The following ELOVL6 variants were observed in gnomAD, a reference collection of about 807,000 sequenced individuals.
The protein encoded by ELOVL6 is ELOVL fatty acid elongase 6.
Under a neutral mutation model 31.7 loss-of-function variants are expected in ELOVL6, and 8 were observed. The observed-to-expected ratio is 0.25, with a 90% CI of 0.15 to 0.45. The LOEUF (loss-of-function observed/expected upper bound fraction) is 0.45, where lower values mean the gene tolerates loss of function less well. Ranked by LOEUF, ELOVL6 falls within the 20% of genes least tolerant of loss-of-function variation. The pLI is 1.00. For missense variants in ELOVL6, 126 were observed against 326.4 expected, an observed-to-expected ratio of 0.39 and a Z score of 4.73; for synonymous variants, 101 against 117.7, an observed-to-expected ratio of 0.86 and a Z score of 0.92.
rs1029994629 is a variant in ELOVL6, at chr4:110,069,935, C to A, written c.222-10181G>T. Reference sequence around the variant, plus strand: ...CAAGATGCCTTCTGGCCTGTTCTCCCTCTACAACCCCACTCCATGAGCCTG... The same window carrying A: ...CAAGATGCCTTCTGGCCTGTTCTCCATCTACAACCCCACTCCATGAGCCTG... On this transcript the variant is annotated intron_variant, in intron 2 of 3. Transcript: ENST00000302274. 1.1e-4 allele frequency among the ~76,000 whole-genome samples: 17 copies of A among 152,308 alleles called. No individual in the cohort carries two copies. The Middle Eastern group carries it at 0.01, about 91-fold the overall frequency.
intron 2 of ELOVL6, among the ~76,000 whole-genome samples, chr4:110,077,421 T>C (rs1755675501): frequency 6.6e-6 from 1 of 152,178 alleles, no homozygotes; most frequent in Admixed American, 6.5e-5. Flanking sequence ...CAGCAATATT[T>C]GCTGGTCACC....
rs1045312926 is a variant in ELOVL6 at position 110,152,107 on chromosome 4, T to A, written c.89+46140A>T. On this transcript the variant is annotated intron_variant, in intron 1 of 3. Transcript: ENST00000302274. ...AGAAGATTCATTCTAAATAGCTGAC[T>A]GCTATTGATTTGGCTCTTGGCCCTC... 5.9e-5 allele frequency among the ~76,000 whole-genome samples: 9 copies of A among 152,330 alleles called. No homozygotes were observed. The South Asian group carries it at 1.9e-3, about 32-fold the overall frequency.
intron 3 of ELOVL6, among the ~76,000 whole-genome samples, chr4:110,055,614 T>C (rs1272364406): frequency 6.6e-6 from 1 of 152,132 alleles, no homozygotes; most frequent in Non-Finnish European, 1.5e-5. Context: ...CAGGGTGTTC[T>C]TGGCCACCAA....
chr4:110,186,820 AAAATAT>A, intron 1 of ELOVL6, among the ~76,000 whole-genome samples: 1 of 94,682 alleles, frequency 1.1e-5, no homozygotes, highest in East Asian at 2.9e-4. Flanking sequence ...AAAAAAAAAA[AAAATAT>A]ATATATATAT....
At chr4:110,171,675 T>C (rs1380657657) in intron 1 of ELOVL6, among the ~76,000 whole-genome samples, 1 of 138,068 alleles carries the variant, frequency 7.2e-6, no homozygotes, top group African/African-American at 2.7e-5. Context: ...TTGCATAATA[T>C]CCTCTTTTTT....
chr4:110,067,589 C>T (rs78160528), intron 2 of ELOVL6, among the ~76,000 whole-genome samples: 4,562 of 152,198 alleles, frequency 0.03, 90 homozygotes, highest in Non-Finnish European at 0.044. Context: ...AAGAAATGTC[C>T]TCTGACATGA....
intron 2 of ELOVL6, among the ~76,000 whole-genome samples, chr4:110,083,535 T>C (rs1755949687): frequency 6.6e-6 from 1 of 151,676 alleles, no homozygotes; most frequent in African/African-American, 2.4e-5. Context: ...TTGAGGATCC[T>C]GACACAGAGA....
At chr4:110,189,240 G>T (rs1045128385) in intron 1 of ELOVL6, among the ~76,000 whole-genome samples, 1 of 152,068 alleles carries the variant, frequency 6.6e-6, no homozygotes, top group Non-Finnish European at 1.5e-5. Context: ...AAGTATGATT[G>T]TGACACTGCA....
At chr4:110,161,269 T>C (rs1758623985) in intron 1 of ELOVL6, among the ~76,000 whole-genome samples, 1 of 152,168 alleles carries the variant, frequency 6.6e-6, no homozygotes, top group Non-Finnish European at 1.5e-5. Flanking sequence ...GTTAAGTCCA[T>C]AGAGTAAGAT....
rs542588276 is a variant in ELOVL6, at chr4:110,064,565, G to A, written c.222-4811C>T. 2.5e-3 allele frequency among the ~76,000 whole-genome samples: 386 copies of A among 152,244 alleles called. 4 individuals carry two copies. The highest frequency in any genetic ancestry group is 4.4e-3 in the Non-Finnish European group (302 of 68,012). ...AACAGCCTTGAACTCCTGGACTCAA[G>A]TGATCCTCCTGCCTCAGCTTCCCAA... On this transcript the variant is annotated intron_variant, in intron 2 of 3. Coordinates refer to ENST00000302274, the MANE Select transcript of ELOVL6 (RefSeq NM_024090.3).
rs77124574 is a variant in ELOVL6, at chr4:110,181,524, T to C, written c.89+16723A>G. On this transcript the variant is annotated intron_variant, in intron 1 of 3. Transcript: ENST00000302274. ...CTCTAACCTCTAGGGACATAGACAA[T>C]GGAGAGAAAAAGACTGGGATGGAAA... Among the ~76,000 whole-genome samples, 1,119 of 152,008 alleles carry C rather than the reference T, an allele frequency of 7.4e-3. 6 individuals are homozygous for C. Among genetic ancestry groups the C allele is most frequent in the Non-Finnish European group, 0.011 (774 of 67,974 alleles).
intron 2 of ELOVL6, among the ~76,000 whole-genome samples, chr4:110,095,650 A>G (rs1483601479): frequency 1.3e-5 from 2 of 152,168 alleles, no homozygotes; most frequent in African/African-American, 4.8e-5. Context: ...TGAGGTTTTA[A>G]TGTATAAGCA....
At chr4:110,120,304 C>T (rs1757306504) in intron 1 of ELOVL6, among the ~76,000 whole-genome samples, 1 of 149,352 alleles carries the variant, frequency 6.7e-6, no homozygotes, top group Non-Finnish European at 1.5e-5. Context: ...CAATATTTAG[C>T]TATGTTTACA....
chr4:110,054,877 C>A (rs184379125), intron 3 of ELOVL6, among the ~76,000 whole-genome samples: 2 of 151,932 alleles, frequency 1.3e-5, no homozygotes, highest in Non-Finnish European at 2.9e-5. Flanking sequence ...AAACATGTCC[C>A]GAAATCTCAA....
At chr4:110,083,240 T>C (rs1158849681) in intron 2 of ELOVL6, among the ~76,000 whole-genome samples, 1 of 151,638 alleles carries the variant, frequency 6.6e-6, no homozygotes, top group Non-Finnish European at 1.5e-5. Flanking sequence ...TGCCACAGGA[T>C]AACAAAACCA....
intron 1 of ELOVL6, among the ~76,000 whole-genome samples, chr4:110,107,550 A>C (rs1756921982): frequency 6.6e-6 from 1 of 152,192 alleles, no homozygotes. Context: ...ACTTCAGTGA[A>C]ACAATTTTGT....
intron 2 of ELOVL6, among the ~76,000 whole-genome samples, chr4:110,104,210 TC>T (rs1177186912): frequency 6.6e-6 from 1 of 152,062 alleles, no homozygotes; most frequent in East Asian, 1.9e-4. Flanking sequence ...AGAGATAAAT[TC>T]CCCACAAATA....
At position 110,047,168 on chromosome 4, in the gene ELOVL6, G is replaced by A. The variant is rs944804953; in HGVS notation, c.*4170C>T. On this transcript the variant is annotated 3_prime_UTR_variant, in exon 4 of 4. Coordinates refer to ENST00000302274, the MANE Select transcript of ELOVL6 (RefSeq NM_024090.3). ...TGACATGATATTATTTTTCATGATG[G>A]AAACTTTTAAGGAATAAGTGTCTAC... 3 of 152,238 alleles carry A rather than the reference G, an allele frequency of 2.0e-5. No individual in the cohort carries two copies. The highest frequency in any genetic ancestry group is 2.9e-5 in the Non-Finnish European group (2 of 68,022). The allele number at this position is 152,238 out of a possible 1,614,324, so 9.4% of individuals were successfully genotyped here.
chr4:110,078,717 A>G (rs991632694), intron 2 of ELOVL6, among the ~76,000 whole-genome samples: 5 of 152,230 alleles, frequency 3.3e-5, no homozygotes, highest in African/African-American at 9.6e-5. Context: ...TCATAATGAC[A>G]AGATCAAATT....
Sources: gnomAD v4.1 joint callset for allele counts (sites outside exome capture counted in the v4.1 genomes callset) on GRCh38, gnomAD v4.1.1 for gene constraint, MANE v1.5 for transcripts, NCBI Gene and HGNC (gene_info 2026-07-23, HGNC 2026-07-21) for gene names.